Variants in RNPS1 observed in about 807,000 individuals in gnomAD.
The protein encoded by RNPS1 is RNA binding protein with serine rich domain 1, also known as RNA-binding protein with serine-rich domain 1.
For synonymous variants in RNPS1, 147 were observed against 150.0 expected (o/e 0.98, Z 0.15); for missense variants, 300 against 427.6 (o/e 0.70, Z 2.63).
rs1186397306 is a variant in RNPS1, at chr16:2,268,115, G to A, written c.-178C>T. ...CAGCCGCCGAGGCCGGCGCCGCTCT[G>A]ACGTCAGAGTCAAGGAGCGGGAAGT... On this transcript the variant is annotated 5_prime_UTR_variant, in exon 1 of 8. Coordinates refer to ENST00000320225, the MANE Select transcript of RNPS1 (RefSeq NM_080594.4). The A allele has an allele frequency of 1.6e-5, 24 of 1,534,290 alleles. No individual in the cohort carries two copies. Among genetic ancestry groups the A allele is most frequent in the African/African-American group, 2.7e-5 (2 of 72,940 alleles).
Position 2,267,391 on chromosome 16 carries a change from A to C in RNPS1, c.-118+664T>G, listed in dbSNP as rs1055864978. ...AAGCCTACTCCACGTTTCTCCTCCA[A>C]CAAACTTAACCTTCCCGTATCCGCC... On this transcript the variant is annotated intron_variant, in intron 1 of 7. Transcript: ENST00000320225. The C allele has an allele frequency of 5.1e-6, 5 of 984,060 alleles. No homozygotes were observed. The African/African-American group carries it at 8.7e-5, about 17-fold the overall frequency. 61.0% of individuals were successfully genotyped at this position (984,060 alleles called of 1,614,324 possible).
rs534981597 is a variant in RNPS1, at chr16:2,263,272, C to T, written c.243G>A (p.Ser81=). The T allele has an allele frequency of 1.2e-5, 19 of 1,613,766 alleles. No individual in the cohort carries two copies. The highest frequency in any genetic ancestry group is 1.4e-5 in the Non-Finnish European group (17 of 1,179,888). Residue 81 remains serine, a synonymous_variant, in exon 4 of 8, where the codon TCG becomes TCA. Transcript: ENST00000320225. The part of the protein sequence containing the change: ...GSSSTRSRSS[S]TSSSGSSTST... ...TGGTGCTGGAGCCTGAGCTGGAAGT[C>T]GAGCTGGACCGAGACCTGAGGGCAA... is the stretch of plus-strand genomic sequence containing the variant.
chr16:2,261,593 G>A (rs1463827448), intron 6 of RNPS1, among the ~76,000 whole-genome samples: 1 of 152,238 alleles, frequency 6.6e-6, no homozygotes, highest in East Asian at 1.9e-4. Flanking sequence ...TCTGTAACAA[G>A]TGTTTTAGTA....
At chr16:2,266,684 G>A in intron 1 of RNPS1, 3 of 985,312 alleles carry the variant, frequency 3.0e-6, no homozygotes, top group Non-Finnish European at 3.6e-6. Flanking sequence ...GCACCCACCC[G>A]CCTTCGAATC....
In RNPS1 at chr16:2,259,672, G is replaced by C. The variant is rs571092101; in HGVS notation, c.676+2606C>G. ...TGGGAGGCTGAGGCGGGCGGATCAC[G>C]AGGTCAGGAGATCCAGACCATCCTG... On this transcript the variant is annotated intron_variant, in intron 6 of 7. Coordinates refer to ENST00000320225, the MANE Select transcript of RNPS1 (RefSeq NM_080594.4). Among the ~76,000 whole-genome samples, 3 of 152,274 alleles carry C rather than the reference G, an allele frequency of 2.0e-5. No homozygotes were observed. The East Asian group carries it at 5.8e-4, about 29-fold the overall frequency.
chr16:2,268,099 A>G lies in RNPS1; in HGVS notation c.-162T>C. ...CTCCTCCTGCTTTCCTCAGCCGCCG[A>G]GGCCGGCGCCGCTCTGACGTCAGAG... On this transcript the variant is annotated 5_prime_UTR_variant, in exon 1 of 8. Transcript: ENST00000320225. 1 of 1,535,344 alleles carries G rather than the reference A, an allele frequency of 6.5e-7. No homozygotes were observed. The highest frequency in any genetic ancestry group is 8.7e-7 in the Non-Finnish European group (1 of 1,146,552).
chr16:2,261,075 G>C (rs999995090), intron 6 of RNPS1, among the ~76,000 whole-genome samples: 2 of 151,956 alleles, frequency 1.3e-5, no homozygotes, highest in Non-Finnish European at 2.9e-5. Flanking sequence ...GCTTGCAGTG[G>C]GCCGAGGTGG....
At chr16:2,264,966 G>A (rs952511239) in intron 1 of RNPS1, 18 of 261,298 alleles carry the variant, frequency 6.9e-5, no homozygotes, top group Admixed American at 2.5e-4. Flanking sequence ...TACAACTGTC[G>A]CCCCAGCGTA....
At chr16:2,257,613 T>G (rs1018563925) in intron 6 of RNPS1, 1 of 152,060 alleles carries the variant, frequency 6.6e-6, no homozygotes, top group African/African-American at 2.4e-5. Context: ...CCGGGTCCCC[T>G]GGGTTTTTAG....
Position 2,262,309 on chromosome 16 carries a change from T to G in RNPS1, c.645A>C (p.Glu215Asp). 6.2e-7 allele frequency: 1 copy of G among 1,613,664 alleles called. No individual in the cohort carries two copies. The part of the protein sequence containing the change: ...YAYVEFENPD[E>D]AEKALKHMDG... ...CCATGTGCTTCAGCGCCTTCTCGGC[T>G]TCATCTGGATTCTCAAACTCTACGT... The change falls in exon 6 of 8, where the codon GAA (glutamate) becomes GAC (aspartate). Residue 215 changes from glutamate to aspartate, a missense_variant. By Grantham distance (45) the Glu-to-Asp change is conservative. Coordinates refer to ENST00000320225, the MANE Select transcript of RNPS1 (RefSeq NM_080594.4).
chr16:2,263,960 C>T (rs927939281), intron 3 of RNPS1: 28 of 517,478 alleles, frequency 5.4e-5, no homozygotes, highest in African/African-American at 5.3e-4. Context: ...GAACTCCAGG[C>T]CCCAAGCAAT....
At chr16:2,254,141 T>A (rs572724915) in intron 7 of RNPS1, 78 bp from the exon 8 acceptor site, 59 of 1,076,606 alleles carry the variant, frequency 5.5e-5, no homozygotes, top group Non-Finnish European at 7.2e-5. Flanking sequence ...CAATTCCCCA[T>A]AGTTTTACTT....
chr16:2,253,830 G>T lies in RNPS1; in HGVS notation c.*134C>A. 1.3e-6 allele frequency: 1 copy of T among 794,332 alleles called. No homozygotes were observed. Among genetic ancestry groups the T allele is most frequent in the Non-Finnish European group, 2.2e-6 (1 of 456,060 alleles). 49.2% of individuals were successfully genotyped at this position (794,332 alleles called of 1,614,324 possible). ...GCAGCCGGGGCCCGGCTGGCAGAGG[G>T]GTGCTGCCTGCTGCCTGCAAATCCT... On this transcript the variant is annotated 3_prime_UTR_variant, in exon 8 of 8. Coordinates refer to ENST00000320225, the MANE Select transcript of RNPS1 (RefSeq NM_080594.4).
At chr16:2,261,889 T>C (rs901660622) in intron 6 of RNPS1, among the ~76,000 whole-genome samples, 1 of 152,222 alleles carries the variant, frequency 6.6e-6, no homozygotes, top group African/African-American at 2.4e-5. Flanking sequence ...CAAGACTCAA[T>C]CCTTAGTTAA....
chr16:2,255,368 C>G (rs2093573253), intron 7 of RNPS1, among the ~76,000 whole-genome samples: 1 of 152,222 alleles, frequency 6.6e-6, no homozygotes, highest in African/African-American at 2.4e-5. Context: ...TGCCCAGACT[C>G]AGAAAGCTGT....
Position 2,263,201 on chromosome 16 carries a change from C to G in RNPS1, c.314G>C (p.Arg105Pro). 1 of 1,613,598 alleles carries G rather than the reference C, an allele frequency of 6.2e-7. No homozygotes were observed. The highest frequency in any genetic ancestry group is 8.5e-7 in the Non-Finnish European group (1 of 1,179,816). ...SGSSSSSASS[R>P]SGSSSTSRSS... ...GCGGGAGGTGCTGGAGCTTCCTGAG[C>G]GGCTGGATGCTGAGGAAGAGCTGGA... Residue 105 changes from arginine to proline, a missense_variant, in exon 4 of 8, where the codon CGC becomes CCC. By Grantham distance (103) the Arg-to-Pro change is moderately radical (BLOSUM62 -2). Transcript: ENST00000320225.
chr16:2,263,315 A>C, intron 3 of RNPS1, 28 bp from the exon 4 acceptor site: 1 of 1,610,958 alleles, frequency 6.2e-7, no homozygotes, highest in Non-Finnish European at 8.5e-7. Context: ...GGTCACAACC[A>C]CCACACACCA....
At chr16:2,257,541 A>G (rs183624866) in intron 6 of RNPS1, 4 of 152,350 alleles carry the variant, frequency 2.6e-5, no homozygotes, top group Admixed American at 1.3e-4. Context: ...CACACAAAAA[A>G]AATCCTACCA....
chr16:2,255,909 C>T (rs374063833), intron 6 of RNPS1, 183 bp from the exon 7 acceptor site: 11 of 630,356 alleles, frequency 1.7e-5, no homozygotes, highest in South Asian at 7.5e-5. Flanking sequence ...AGGTGGATCA[C>T]GAGGTCAGGA....
Sources: gnomAD v4.1 joint callset for allele counts (sites outside exome capture counted in the v4.1 genomes callset) on GRCh38, gnomAD v4.1.1 for gene constraint, MANE v1.5 for transcripts, NCBI Gene and HGNC (gene_info 2026-07-23, HGNC 2026-07-21) for gene names.